The following ELMO1 variants were observed in gnomAD, a reference collection of about 807,000 sequenced individuals.
The protein encoded by ELMO1 is engulfment and cell motility 1.
In ELMO1, 26 loss-of-function variants were observed where a neutral mutation model predicts 98.9. The ratio of observed to expected loss-of-function variants is 0.26; its 90% CI spans 0.19 to 0.36. ELMO1 has a LOEUF of 0.36. ELMO1 is among the 10% of genes least tolerant of loss of function. The pLI is 1.00. For synonymous variants in ELMO1, 346 were observed against 346.0 expected, an observed-to-expected ratio of 1.00 and a Z score of 0.00; for missense variants, 627 against 935.2, an observed-to-expected ratio of 0.67 and a Z score of 4.30.
intron 6 of ELMO1, among the ~76,000 whole-genome samples, chr7:37,246,856 C>CTA (rs969193717): frequency 1.3e-5 from 2 of 149,184 alleles, no homozygotes; most frequent in Non-Finnish European, 3.0e-5. Context: ...CTATATCTAT[C>CTA]TATATATATC....
At chr7:36,981,276 G>C (rs983773156) in intron 16 of ELMO1, among the ~76,000 whole-genome samples, 1 of 151,420 alleles carries the variant, frequency 6.6e-6, no homozygotes, top group Non-Finnish European at 1.5e-5. Flanking sequence ...AGGAGACTAA[G>C]ACTAGATGCC....
intron 16 of ELMO1, among the ~76,000 whole-genome samples, chr7:36,917,372 T>C (rs2129071143): frequency 6.6e-6 from 1 of 152,306 alleles, no homozygotes; most frequent in South Asian, 2.1e-4. Context: ...AAAAAGAAAT[T>C]ATTGATAAAT....
chr7:36,954,989 T>A (rs1158331074), intron 16 of ELMO1, among the ~76,000 whole-genome samples: 1 of 152,192 alleles, frequency 6.6e-6, no homozygotes, highest in Non-Finnish European at 1.5e-5. Flanking sequence ...CCTGAAGTTG[T>A]AACAAAGCTA....
At chr7:37,140,053 C>A (rs1002002444) in intron 13 of ELMO1, among the ~76,000 whole-genome samples, 1 of 152,022 alleles carries the variant, frequency 6.6e-6, no homozygotes, top group South Asian at 2.1e-4. Context: ...TCTCAACTTA[C>A]ACGAAAATCA....
At position 37,342,597 on chromosome 7, in the gene ELMO1, C is replaced by T. The variant is rs781257201; in HGVS notation, c.78+16G>A. 6.2e-7 allele frequency: 1 copy of T among 1,612,498 alleles called. No individual in the cohort carries two copies. The highest frequency in any genetic ancestry group is 8.5e-7 in the Non-Finnish European group (1 of 1,178,556). Reference sequence around the variant, plus strand: ...GGAAACTGAAAATAGACACCCAATGCTGTCACGTTACTAACCTGATCAATT... The same window carrying T: ...GGAAACTGAAAATAGACACCCAATGTTGTCACGTTACTAACCTGATCAATT... On this transcript the variant is annotated intron_variant, in intron 2 of 21. Transcript: ENST00000310758. The surrounding 1 kb of genome is among the most constrained non-coding windows in gnomAD (Gnocchi z 4.3).
At chr7:37,429,452 C>A (rs1205549232) in intron 1 of ELMO1, 1 of 152,240 alleles carries the variant, frequency 6.6e-6, no homozygotes, top group Admixed American at 6.5e-5. Flanking sequence ...TCTCTTAAAT[C>A]TTTTCCTAGA....
intron 16 of ELMO1, among the ~76,000 whole-genome samples, chr7:36,925,869 A>G (rs17170783): frequency 0.033 from 4,950 of 152,064 alleles, 284 homozygotes; most frequent in African/African-American, 0.11. Flanking sequence ...AAGTTTAAAC[A>G]CTCTGAGCAA....
intron 17 of ELMO1, among the ~76,000 whole-genome samples, chr7:36,894,106 G>A (rs1301687666): frequency 6.6e-6 from 1 of 152,154 alleles, no homozygotes; most frequent in South Asian, 2.1e-4. Flanking sequence ...TAAAATATAC[G>A]GGTAACAAAA....
chr7:37,272,662 T>A (rs1411595498), intron 4 of ELMO1, among the ~76,000 whole-genome samples: 7 of 133,362 alleles, frequency 5.2e-5, no homozygotes, highest in Non-Finnish European at 9.5e-5. Context: ...GCAACAAGAG[T>A]GAAACTCCGT....
chr7:37,151,990 G>C (rs1289713321), intron 13 of ELMO1, among the ~76,000 whole-genome samples: 1 of 152,138 alleles, frequency 6.6e-6, no homozygotes, highest in African/African-American at 2.4e-5. Context: ...TGGGAATGAG[G>C]ATTTGAGTCC....
At chr7:36,861,462 A>G (rs1281765656) in intron 21 of ELMO1, among the ~76,000 whole-genome samples, 197 bp downstream of exon 21, 1 of 152,062 alleles carries the variant, frequency 6.6e-6, no homozygotes, top group Non-Finnish European at 1.5e-5. Context: ...TGAACTATCA[A>G]TCAAGCTACT....
chr7:37,421,767 A>ACAACAGACG (rs1430719908), intron 1 of ELMO1, among the ~76,000 whole-genome samples: 1 of 152,232 alleles, frequency 6.6e-6, no homozygotes, highest in African/African-American at 2.4e-5. Flanking sequence ...TCCAACAGAC[A>ACAACAGACG]GGGATAAAAA....
chr7:37,158,386 G>A (rs928006536), intron 13 of ELMO1, among the ~76,000 whole-genome samples: 1 of 151,930 alleles, frequency 6.6e-6, no homozygotes, highest in Non-Finnish European at 1.5e-5. Flanking sequence ...CAGAATGGGA[G>A]AAAAATTTTG....
chr7:37,022,998 C>A (rs1234850424), intron 15 of ELMO1, among the ~76,000 whole-genome samples: 1 of 152,096 alleles, frequency 6.6e-6, no homozygotes, highest in Non-Finnish European at 1.5e-5. Context: ...GCAAAAACAG[C>A]CCCACATAAA....
intron 2 of ELMO1, among the ~76,000 whole-genome samples, chr7:37,324,031 A>T (rs1799659698): frequency 6.6e-6 from 1 of 152,036 alleles, no homozygotes; most frequent in Non-Finnish European, 1.5e-5. Context: ...TTGGCTGTTT[A>T]TTTAGGAGAT....
At chr7:37,261,308 G>A (rs1196401864) in intron 5 of ELMO1, among the ~76,000 whole-genome samples, 1 of 152,212 alleles carries the variant, frequency 6.6e-6, no homozygotes, top group Non-Finnish European at 1.5e-5. Flanking sequence ...TCAGTGCTGA[G>A]GCTAAAATAG....
chr7:37,331,221 G>A (rs1800086972), intron 2 of ELMO1, among the ~76,000 whole-genome samples: 1 of 150,838 alleles, frequency 6.6e-6, no homozygotes, highest in East Asian at 1.9e-4. Flanking sequence ...CCAAGTTGGA[G>A]TGCAGTGGTG....
At position 37,444,659 on chromosome 7, in the gene ELMO1, C is replaced by T. The variant is rs112312560; in HGVS notation, c.-74+4016G>A. 6.1e-3 allele frequency among the ~76,000 whole-genome samples: 919 copies of T among 150,074 alleles called. 12 individuals are homozygous for T. Among genetic ancestry groups the T allele is most frequent in the African/African-American group, 0.021 (847 of 40,460 alleles). On this transcript the variant is annotated intron_variant, in intron 1 of 21. Transcript: ENST00000310758. ...TCCAGAGCAGCTGGGACTACAGGCACCCACTACCACGCCCGGCTAATTTTT... is the reference window on the plus strand; with the variant it reads ...TCCAGAGCAGCTGGGACTACAGGCATCCACTACCACGCCCGGCTAATTTTT...
At chr7:37,059,607 G>C (rs1433819643) in intron 15 of ELMO1, among the ~76,000 whole-genome samples, 1 of 152,156 alleles carries the variant, frequency 6.6e-6, no homozygotes, top group African/African-American at 2.4e-5. Context: ...TTTTAGCTGG[G>C]AAGGAGATTC....
Sources: gnomAD v4.1 joint callset for allele counts (sites outside exome capture counted in the v4.1 genomes callset) on GRCh38, gnomAD v4.1.1 for gene constraint, Gnocchi (gnomAD v3.1) non-coding constraint, MANE v1.5 for transcripts, NCBI Gene and HGNC (gene_info 2026-07-23, HGNC 2026-07-21) for gene names.